The following BCAR3 variants were observed in gnomAD, a reference collection of about 807,000 sequenced individuals.
The protein encoded by BCAR3 is breast cancer anti-estrogen resistance protein 3.
Under a neutral mutation model 80.1 loss-of-function variants are expected in BCAR3, and 37 were observed. The observed-to-expected ratio is 0.46, with a 90% CI of 0.36 to 0.61. BCAR3 has a LOEUF of 0.61. Among genes scored for constraint, BCAR3 ranks in the 20% least tolerant of loss-of-function variants. The pLI, the probability that BCAR3 is intolerant of heterozygous loss-of-function variation, is 0.00. For missense variants in BCAR3, 978 were observed against 1,068.2 expected, an observed-to-expected ratio of 0.92 and a Z score of 1.18; for synonymous variants, 389 against 418.9, an observed-to-expected ratio of 0.93 and a Z score of 0.87.
At chr1:93,621,220 G>A (rs1381642099) in intron 3 of BCAR3, among the ~76,000 whole-genome samples, 1 of 152,132 alleles carries the variant, frequency 6.6e-6, no homozygotes, top group Non-Finnish European at 1.5e-5. Flanking sequence ...TCTTTTTCAT[G>A]GTCATAAGCT....
chr1:93,736,116 T>C (rs1650961767), intron 2 of BCAR3, among the ~76,000 whole-genome samples: 1 of 152,192 alleles, frequency 6.6e-6, no homozygotes, highest in African/African-American at 2.4e-5. Context: ...AAGAAAAGAA[T>C]CATGCAATTC....
rs111932100 is a variant in BCAR3 at position 93,735,450 on chromosome 1, C to A, written c.-62-29308G>T. 9.1e-4 allele frequency among the ~76,000 whole-genome samples: 139 copies of A among 152,292 alleles called. 3 individuals are homozygous for A. Among genetic ancestry groups the A allele is most frequent in the African/African-American group, 3.2e-3 (134 of 41,560 alleles). On this transcript the variant is annotated intron_variant, in intron 2 of 13. Transcript: ENST00000370244. Reference sequence around the variant, plus strand: ...TTTTGAGAACTTCCCAAACATCAGGCACTTTTGCTTTCGGAGACCACATCC... The same window carrying A: ...TTTTGAGAACTTCCCAAACATCAGGAACTTTTGCTTTCGGAGACCACATCC...
intron 2 of BCAR3, among the ~76,000 whole-genome samples, chr1:93,672,936 G>A (rs953674301): frequency 6.6e-6 from 1 of 152,144 alleles, no homozygotes; most frequent in Non-Finnish European, 1.5e-5. Context: ...CTCTCAATGT[G>A]CTACACTCCA....
intron 2 of BCAR3, among the ~76,000 whole-genome samples, chr1:93,780,913 A>G (rs931984440): frequency 9.2e-5 from 14 of 152,216 alleles, no homozygotes; most frequent in Non-Finnish European, 1.6e-4. Context: ...GATTCCCCCT[A>G]TGATTCTGCA....
chr1:93,693,986 G>A (rs1448750914), intron 3 of BCAR3, among the ~76,000 whole-genome samples: 3 of 152,238 alleles, frequency 2.0e-5, no homozygotes, highest in African/African-American at 7.2e-5. Flanking sequence ...AGCTCTTTGA[G>A]GCAGGTATTA....
At chr1:93,825,151 C>G (rs2100824705) in intron 2 of BCAR3, among the ~76,000 whole-genome samples, 1 of 134,166 alleles carries the variant, frequency 7.5e-6, no homozygotes, top group East Asian at 2.9e-4. Flanking sequence ...GCAGTACGCA[C>G]AAAACCTGAC....
At chr1:93,775,311 G>T (rs1652506632) in intron 2 of BCAR3, 1 of 152,254 alleles carries the variant, frequency 6.6e-6, no homozygotes, top group African/African-American at 2.4e-5. Flanking sequence ...CCTGGGGGCA[G>T]CTGTGTACTT....
chr1:93,689,736 A>G (rs12084853), intron 3 of BCAR3, among the ~76,000 whole-genome samples: 46,213 of 152,014 alleles, frequency 0.3, 10,785 homozygotes, highest in African/African-American at 0.66. Flanking sequence ...TAGATGCTTC[A>G]GGCTACCCTG....
At chr1:93,828,803 G>A (rs943756855) in intron 2 of BCAR3, among the ~76,000 whole-genome samples, 8 of 151,958 alleles carry the variant, frequency 5.3e-5, no homozygotes, top group East Asian at 3.9e-4. Context: ...CAAGCAATCC[G>A]TGTCTCAGCC....
chr1:93,743,717 C>G (rs1651256966), intron 2 of BCAR3, among the ~76,000 whole-genome samples: 1 of 152,194 alleles, frequency 6.6e-6, no homozygotes, highest in Non-Finnish European at 1.5e-5. Flanking sequence ...CAGACAAGCT[C>G]ATTCTTACCC....
chr1:93,809,498 T>C (rs980085092), intron 2 of BCAR3, among the ~76,000 whole-genome samples: 2 of 152,268 alleles, frequency 1.3e-5, no homozygotes, highest in Non-Finnish European at 1.5e-5. Flanking sequence ...CTGGGCACGG[T>C]AGCTCATGCC....
intron 2 of BCAR3, among the ~76,000 whole-genome samples, chr1:93,827,036 G>A (rs1357863484): frequency 6.6e-6 from 1 of 152,170 alleles, no homozygotes; most frequent in Non-Finnish European, 1.5e-5. Context: ...GAAAGGAAGG[G>A]ACTGTGACCT....
chr1:93,644,015 T>C (rs1676077599), intron 2 of BCAR3, among the ~76,000 whole-genome samples: 1 of 152,208 alleles, frequency 6.6e-6, no homozygotes. Context: ...TGGGTTTTAT[T>C]TAACCCTATA....
chr1:93,844,239 G>A (rs1655063521), intron 2 of BCAR3, among the ~76,000 whole-genome samples: 1 of 152,138 alleles, frequency 6.6e-6, no homozygotes, highest in Admixed American at 6.5e-5. Flanking sequence ...CTCGGGAAAT[G>A]GAGGTTGCAG....
chr1:93,673,054 C>T (rs922533806), intron 2 of BCAR3, among the ~76,000 whole-genome samples: 1 of 152,156 alleles, frequency 6.6e-6, no homozygotes, highest in East Asian at 1.9e-4. Flanking sequence ...CCTGGAAGGC[C>T]CATGGTTGCT....
At chr1:93,651,472 T>C (rs1676324716) in intron 2 of BCAR3, among the ~76,000 whole-genome samples, 1 of 152,216 alleles carries the variant, frequency 6.6e-6, no homozygotes, top group African/African-American at 2.4e-5. Context: ...AAACATTTAT[T>C]GAGCATTTAC....
At chr1:93,765,057 T>C (rs1379092072) in intron 2 of BCAR3, among the ~76,000 whole-genome samples, 1 of 152,160 alleles carries the variant, frequency 6.6e-6, no homozygotes, top group African/African-American at 2.4e-5. Context: ...TGAGCTTCAG[T>C]GGACATCCCG....
chr1:93,748,525 G>T (rs904409281), intron 2 of BCAR3, among the ~76,000 whole-genome samples: 5 of 151,958 alleles, frequency 3.3e-5, no homozygotes, highest in African/African-American at 1.2e-4. Flanking sequence ...ACTGGACTTC[G>T]ATCGGCCATA....
intron 2 of BCAR3, among the ~76,000 whole-genome samples, chr1:93,765,831 T>C (rs192063763): frequency 1.5e-3 from 233 of 152,160 alleles, no homozygotes; most frequent in African/African-American, 5.5e-3. Flanking sequence ...CATGCCCGGC[T>C]AATTTTTGTA....
Sources: allele counts gnomAD v4.1 joint callset (sites outside exome capture counted in the v4.1 genomes callset), GRCh38; gene constraint gnomAD v4.1.1; transcripts MANE v1.5; gene names NCBI Gene and HGNC (gene_info 2026-07-23, HGNC 2026-07-21).